The following SPAG16 variants were observed in gnomAD, a reference collection of about 807,000 sequenced individuals.
SPAG16 encodes the protein sperm-associated antigen 16 protein.
Under a neutral mutation model 80.4 loss-of-function variants are expected in SPAG16, and 86 were observed. The ratio of observed to expected loss-of-function variants is 1.07; its 90% CI spans 0.90 to 1.28. SPAG16 has a LOEUF of 1.28. SPAG16 is among the 50% of genes most tolerant of loss of function. The pLI, the probability that SPAG16 is intolerant of heterozygous loss-of-function variation, is 0.00. For synonymous variants in SPAG16, 294 were observed against 265.9 expected (o/e 1.11, Z -1.03); for missense variants, 870 against 765.3 (o/e 1.14, Z -1.61).
At chr2:213,788,978 T>C (rs2070517556) in intron 10 of SPAG16, among the ~76,000 whole-genome samples, 1 of 152,000 alleles carries the variant, frequency 6.6e-6, no homozygotes. Context: ...ATTTGCTTTA[T>C]AAAGATAGAT....
intron 10 of SPAG16, among the ~76,000 whole-genome samples, chr2:213,643,521 C>T (rs2062703159): frequency 6.8e-6 from 1 of 147,932 alleles, no homozygotes; most frequent in African/African-American, 2.5e-5. Flanking sequence ...TGTTCTACAA[C>T]CTTCTTGTAC....
chr2:213,317,608 C>T, intron 5 of SPAG16: 1 of 1,113,848 alleles, frequency 9.0e-7, no homozygotes, highest in East Asian at 4.7e-5. Context: ...ATATAACATT[C>T]ACTTCCTTGT....
chr2:214,344,060 C>T (rs1378101843), intron 15 of SPAG16, among the ~76,000 whole-genome samples: 2 of 152,142 alleles, frequency 1.3e-5, no homozygotes, highest in Non-Finnish European at 1.5e-5. Context: ...TCTCAACCCT[C>T]ATACTTTCAC....
At chr2:214,367,841 G>A (rs1024073222) in intron 15 of SPAG16, among the ~76,000 whole-genome samples, 2 of 151,986 alleles carry the variant, frequency 1.3e-5, no homozygotes, top group Non-Finnish European at 2.9e-5. Flanking sequence ...TTGCTGGATT[G>A]TCATTCTAAA....
intron 10 of SPAG16, among the ~76,000 whole-genome samples, chr2:213,577,645 C>T (rs1223957429): frequency 1.3e-5 from 2 of 152,064 alleles, no homozygotes; most frequent in Non-Finnish European, 1.5e-5. Flanking sequence ...GTTTTTGCTC[C>T]TTTATGTTAC....
chr2:213,857,548 T>C (rs1049719386), intron 10 of SPAG16, among the ~76,000 whole-genome samples: 1 of 132,914 alleles, frequency 7.5e-6, no homozygotes, highest in Non-Finnish European at 1.7e-5. Flanking sequence ...TGAGACCTAC[T>C]GTTCAGAAAA....
intron 15 of SPAG16, among the ~76,000 whole-genome samples, chr2:214,187,364 G>T (rs973944661): frequency 1.3e-5 from 2 of 152,004 alleles, no homozygotes; most frequent in Non-Finnish European, 2.9e-5. Context: ...TTTTATATGG[G>T]CAAGTTGATG....
chr2:214,167,292 T>C (rs189230502), intron 15 of SPAG16, among the ~76,000 whole-genome samples: 382 of 152,190 alleles, frequency 2.5e-3, no homozygotes, highest in Middle Eastern at 6.8e-3. Context: ...AAACTTGTCA[T>C]CTAGTCACAC....
At chr2:213,825,628 G>A (rs2073230933) in intron 10 of SPAG16, among the ~76,000 whole-genome samples, 1 of 149,458 alleles carries the variant, frequency 6.7e-6, no homozygotes, top group South Asian at 2.1e-4. Context: ...TGGTTTGCTA[G>A]TATTTTATTG....
intron 12 of SPAG16, among the ~76,000 whole-genome samples, chr2:213,985,765 A>C (rs992221649): frequency 2.6e-5 from 4 of 152,176 alleles, no homozygotes; most frequent in Non-Finnish European, 5.9e-5. Context: ...TCATTCTCCT[A>C]ATCAATTCTA....
intron 10 of SPAG16, among the ~76,000 whole-genome samples, chr2:213,547,580 A>T (rs1419744282): frequency 6.6e-6 from 1 of 152,316 alleles, no homozygotes; most frequent in African/African-American, 2.4e-5. Context: ...AAATCATGGT[A>T]TACAGAAAGA....
intron 10 of SPAG16, among the ~76,000 whole-genome samples, chr2:213,692,908 G>GA (rs901999311): frequency 6.6e-6 from 1 of 152,104 alleles, no homozygotes; most frequent in African/African-American, 2.4e-5. Context: ...AGTTTTTAAG[G>GA]AAAAAATACA....
chr2:213,322,075 A>AAAAT (rs1164791722), intron 5 of SPAG16, among the ~76,000 whole-genome samples: 33 of 150,844 alleles, frequency 2.2e-4, no homozygotes, highest in African/African-American at 6.0e-4. Flanking sequence ...AAGTATAATA[A>AAAAT]AAATAAATAA....
intron 9 of SPAG16, among the ~76,000 whole-genome samples, chr2:213,392,692 A>G (rs1453381095): frequency 6.6e-6 from 1 of 152,062 alleles, no homozygotes; most frequent in Non-Finnish European, 1.5e-5. Flanking sequence ...TAAAAATACA[A>G]AAACATTAGC....
At chr2:213,892,266 G>A (rs2076811735) in intron 11 of SPAG16, among the ~76,000 whole-genome samples, 2 of 151,984 alleles carry the variant, frequency 1.3e-5, no homozygotes, top group South Asian at 4.2e-4. Flanking sequence ...TGGGCTGAAG[G>A]CTACCACCCA....
chr2:213,853,267 A>T (rs1340986406), intron 10 of SPAG16, among the ~76,000 whole-genome samples: 2 of 152,190 alleles, frequency 1.3e-5, no homozygotes, highest in Non-Finnish European at 2.9e-5. Flanking sequence ...AAAGTCTAAC[A>T]GTGGATTCTT....
intron 10 of SPAG16, among the ~76,000 whole-genome samples, chr2:213,500,706 G>A (rs1479551295): frequency 1.3e-5 from 2 of 152,206 alleles, no homozygotes; most frequent in South Asian, 2.1e-4. Context: ...AGGCCTTAGA[G>A]TGGGGTGGTA....
At chr2:213,463,201 A>G (rs1233743072) in intron 9 of SPAG16, among the ~76,000 whole-genome samples, 1 of 152,234 alleles carries the variant, frequency 6.6e-6, no homozygotes, top group East Asian at 1.9e-4. Flanking sequence ...CATCTGGTGG[A>G]AGAAGTTTGT....
At chr2:213,651,006 G>A (rs1194457695) in intron 10 of SPAG16, among the ~76,000 whole-genome samples, 2 of 152,150 alleles carry the variant, frequency 1.3e-5, no homozygotes, top group Non-Finnish European at 2.9e-5. Flanking sequence ...TGAGGTTATA[G>A]GAGATAAGGA....
Sources: allele counts gnomAD v4.1 joint callset (sites outside exome capture counted in the v4.1 genomes callset), GRCh38; gene constraint gnomAD v4.1.1; transcripts MANE v1.5; gene names NCBI Gene and HGNC (gene_info 2026-07-23, HGNC 2026-07-21).